The following MAST2 variants were observed in gnomAD, a reference collection of about 807,000 sequenced individuals.
The protein encoded by MAST2 is microtubule-associated serine/threonine-protein kinase 2.
Under a neutral mutation model 147.4 loss-of-function variants are expected in MAST2, and 70 were observed. The ratio of observed to expected loss-of-function variants is 0.47; its 90% confidence interval spans 0.39 to 0.58. The LOEUF is 0.58. Among genes scored for constraint, MAST2 ranks in the 20% least tolerant of loss-of-function variants. MAST2 has a pLI of 0.00. For missense variants in MAST2, 2,080 were observed against 2,302.3 expected (o/e 0.90, Z 1.98); for synonymous variants, 869 against 896.8 (o/e 0.97, Z 0.55).
At chr1:45,909,781 G>C (rs1265551478) in intron 4 of MAST2, among the ~76,000 whole-genome samples, 4 of 152,094 alleles carry the variant, frequency 2.6e-5, no homozygotes, top group African/African-American at 9.7e-5. Context: ...CTCCCAAAGT[G>C]CTGGGATTAC....
At position 46,017,868 on chromosome 1, in the gene MAST2, C is replaced by T. The variant is rs542342532; in HGVS notation, c.1189-1728C>T. 4.5e-3 allele frequency among the ~76,000 whole-genome samples: 689 copies of T among 152,274 alleles called. 7 individuals are homozygous for T. Among genetic ancestry groups the T allele is most frequent in the African/African-American group, 0.016 (672 of 41,550 alleles). ...ATGCTGCTATAAAGACACATGCACACGTATGTTTATTGCGGCACTATTCAC... is the reference window on the plus strand; with the variant it reads ...ATGCTGCTATAAAGACACATGCACATGTATGTTTATTGCGGCACTATTCAC... On this transcript the variant is annotated intron_variant, in intron 10 of 28. Transcript: ENST00000361297.
intron 4 of MAST2, among the ~76,000 whole-genome samples, chr1:45,885,012 G>C (rs1647020374): frequency 6.6e-6 from 1 of 152,086 alleles, no homozygotes; most frequent in Non-Finnish European, 1.5e-5. Flanking sequence ...TTGTAGTAAA[G>C]AAAACAGGTA....
chr1:46,019,558 T>A, intron 10 of MAST2, 38 bp from the exon 11 acceptor site: 1 of 1,563,568 alleles, frequency 6.4e-7, no homozygotes, highest in Non-Finnish European at 8.8e-7. Context: ...CCAGCCACAC[T>A]GGGCCAATAG....
At chr1:45,887,028 A>G (rs776550011) in intron 4 of MAST2, among the ~76,000 whole-genome samples, 11 of 152,084 alleles carry the variant, frequency 7.2e-5, no homozygotes, top group Middle Eastern at 3.2e-3. Flanking sequence ...GGGTTTCACT[A>G]TGTTACTCAG....
intron 3 of MAST2, among the ~76,000 whole-genome samples, chr1:45,832,637 C>G (rs775229541): frequency 1.3e-5 from 2 of 152,186 alleles, no homozygotes; most frequent in Non-Finnish European, 2.9e-5. Flanking sequence ...CAACGTACTT[C>G]TTTGAGAACT....
At chr1:45,939,303 G>A (rs1656779616) in intron 4 of MAST2, among the ~76,000 whole-genome samples, 1 of 152,054 alleles carries the variant, frequency 6.6e-6, no homozygotes, top group Non-Finnish European at 1.5e-5. Context: ...CACCTTTGTT[G>A]AAGTCAATTG....
chr1:45,983,488 CT>C (rs766505425), intron 5 of MAST2, among the ~76,000 whole-genome samples: 251 of 139,452 alleles, frequency 1.8e-3, no homozygotes, highest in South Asian at 0.014. Context: ...GAGTAAGACA[CT>C]TTTTTTTTTT....
chr1:46,004,018 G>T (rs1040701568), intron 7 of MAST2, among the ~76,000 whole-genome samples: 2 of 152,076 alleles, frequency 1.3e-5, no homozygotes, highest in African/African-American at 4.8e-5. Context: ...TTAATCCAAA[G>T]ATGTCATTGG....
At position 45,982,149 on chromosome 1, in the gene MAST2, G is replaced by T. The variant is rs530987571; in HGVS notation, c.593-15575G>T. Among the ~76,000 whole-genome samples, 23 of 152,224 alleles carry T rather than the reference G, an allele frequency of 1.5e-4. No homozygotes were observed. In the East Asian group the frequency reaches 4.2e-3, roughly 28 times the overall value. On this transcript the variant is annotated intron_variant, in intron 5 of 28. Transcript: ENST00000361297. ...GAGGCGTGAGCCACCGCGCCCGGCTGTAATTTTGGCCTTTTAAGGTAAATG... is the reference window on the plus strand; with the variant it reads ...GAGGCGTGAGCCACCGCGCCCGGCTTTAATTTTGGCCTTTTAAGGTAAATG...
In MAST2 at chr1:46,033,782, C is replaced by T. The variant is rs1032757415; in HGVS notation, c.3538-20C>T. 1.9e-6 allele frequency: 3 copies of T among 1,613,202 alleles called. No individual in the cohort carries two copies. Among genetic ancestry groups the T allele is most frequent in the Admixed American group, 1.7e-5 (1 of 59,986 alleles). On this transcript the variant is annotated intron_variant, in intron 26 of 28. Transcript: ENST00000361297. ...GAATATGGCTCCAGCTTAGCCTAGG[C>T]CTCATGCTCTGCTCCCCAGAGTGGA...
intron 15 of MAST2, among the ~76,000 whole-genome samples, chr1:46,025,040 C>T (rs1474951703): frequency 6.6e-6 from 1 of 152,218 alleles, no homozygotes; most frequent in Admixed American, 6.5e-5. Context: ...TCAGATGGGC[C>T]GGACGTGGTG....
Position 46,030,136 on chromosome 1 carries a change from A to G in MAST2, c.2451A>G (p.Ser817=). ...EDDTSYFDTR[S]ERYHHMDSED... ...CCTTTATGTCTGGCCCAGCCCGCTC[A>G]GAGCGATACCACCACATGGACTCGG... Residue 817 remains serine (S), a synonymous_variant, in exon 21 of 29, where the codon TCA becomes TCG. Coordinates refer to ENST00000361297, the MANE Select transcript of MAST2 (RefSeq NM_015112.3). The G allele has an allele frequency of 6.2e-7, 1 of 1,614,236 alleles. No individual in the cohort carries two copies. Among genetic ancestry groups the G allele is most frequent in the Non-Finnish European group, 8.5e-7 (1 of 1,180,020 alleles).
chr1:45,959,529 C>T, intron 5 of MAST2, 52 bp downstream of exon 5: 1 of 1,446,478 alleles, frequency 6.9e-7, no homozygotes, highest in South Asian at 1.2e-5. Flanking sequence ...CCACAGATGC[C>T]CAATTTCTTT....
In MAST2 at chr1:46,035,426, C is replaced by T; in HGVS notation, c.4757C>T (p.Pro1586Leu). The T allele has an allele frequency of 6.2e-7, 1 of 1,612,708 alleles. No individual in the cohort carries two copies. The change falls in exon 29 of 29, where the codon CCA becomes CTA. Residue 1586 changes from proline (P) to leucine (L), a missense_variant. Physicochemically the swap from Pro to Leu is moderately conservative, Grantham distance 98 (BLOSUM62 -3). Transcript: ENST00000361297. The surrounding 1 kb of genome is among the most constrained non-coding windows in gnomAD (Gnocchi z 5.5). ...PSGPHRRLGS[P>L]QAIEEAASSS... ...GGTCCCCACAGGAGGCTCGGGAGCC[C>T]ACAAGCCATTGAGGAGGCTGCCAGC...
intron 4 of MAST2, among the ~76,000 whole-genome samples, chr1:45,939,989 T>TTTTTGTTTTTTTTG (rs1553239189): frequency 1.6e-5 from 2 of 128,926 alleles, no homozygotes; most frequent in South Asian, 2.6e-4. Context: ...GGTTTTTTTT[T>TTTTTGTTTTTTTTG]TTTTTTTTTT....
intron 3 of MAST2, among the ~76,000 whole-genome samples, chr1:45,840,374 A>T (rs1180268000): frequency 6.6e-6 from 1 of 152,208 alleles, no homozygotes; most frequent in Non-Finnish European, 1.5e-5. Context: ...TTTCTACTCA[A>T]GAAAATATAT....
chr1:45,871,621 A>G (rs747396611), intron 3 of MAST2, among the ~76,000 whole-genome samples: 1 of 152,310 alleles, frequency 6.6e-6, no homozygotes, highest in South Asian at 2.1e-4. Context: ...CACGCATTCT[A>G]TTTTTAAGAA....
intron 3 of MAST2, among the ~76,000 whole-genome samples, chr1:45,849,827 A>G (rs1326683528): frequency 6.6e-6 from 1 of 152,128 alleles, no homozygotes; most frequent in African/African-American, 2.4e-5. Context: ...TGCCCCGCCC[A>G]TATTTTCTTT....
At position 45,842,892 on chromosome 1, in the gene MAST2, C is replaced by G. The variant is rs1203356467; in HGVS notation, c.468+13311C>G. ...TGTAATAGCTTACCATTTTACAGTT[C>G]CACTAGCAATGTACTGAAGGTTTCA... On this transcript the variant is annotated intron_variant, in intron 3 of 28. Coordinates refer to ENST00000361297, the MANE Select transcript of MAST2 (RefSeq NM_015112.3). 2.6e-5 allele frequency among the ~76,000 whole-genome samples: 4 copies of G among 152,134 alleles called. No individual in the cohort carries two copies. In the East Asian group the frequency reaches 7.7e-4, roughly 29 times the overall value.
Sources: gnomAD v4.1 joint callset for allele counts (sites outside exome capture counted in the v4.1 genomes callset) on GRCh38, gnomAD v4.1.1 for gene constraint, Gnocchi (gnomAD v3.1) non-coding constraint, MANE v1.5 for transcripts, NCBI Gene and HGNC (gene_info 2026-07-23, HGNC 2026-07-21) for gene names.